The following COL4A2 variants were observed in gnomAD, a reference collection of about 807,000 sequenced individuals.
COL4A2 encodes collagen type IV alpha 2 chain, also known as collagen alpha-2(IV) chain.
In COL4A2, 99 loss-of-function variants were observed where a neutral mutation model predicts 200.2. That is an observed-to-expected ratio of 0.49 (90% confidence interval 0.42 to 0.58). The LOEUF is 0.58. COL4A2 is among the 20% of genes least tolerant of loss of function. The pLI is 0.00. For missense variants in COL4A2, 1,950 were observed against 2,314.1 expected, an observed-to-expected ratio of 0.84 and a Z score of 3.23; for synonymous variants, 897 against 900.6, an observed-to-expected ratio of 1.00 and a Z score of 0.07.
In COL4A2 at chr13:110,472,080, A is replaced by C. The variant is rs555324535; in HGVS notation, c.2204-849A>C. On this transcript the variant is annotated intron_variant, in intron 28 of 47. Transcript: ENST00000360467. The stretch of plus-strand genomic sequence containing the variant: ...GACACAGGACAGCTGCCTTCCCTCC[A>C]TCCGCAGATGGGACTTGATGATTTT... 4.6e-5 allele frequency among the ~76,000 whole-genome samples: 7 copies of C among 151,458 alleles called. No individual in the cohort carries two copies. The East Asian group carries it at 1.2e-3, about 25-fold the overall frequency.
chr13:110,315,161 G>A (rs1885099142), intron 3 of COL4A2, among the ~76,000 whole-genome samples: 2 of 152,178 alleles, frequency 1.3e-5, no homozygotes, highest in African/African-American at 4.8e-5. Flanking sequence ...TAGCCCCGGG[G>A]GGATAAGGAT....
At chr13:110,462,524 ATTTC>A in intron 24 of COL4A2, 140 bp downstream of exon 24, 5 of 724,694 alleles carry the variant, frequency 6.9e-6, no homozygotes, top group Non-Finnish European at 8.9e-6. Context: ...TGCTCATTCT[ATTTC>A]TAATGAGCAG....
In COL4A2 at chr13:110,474,127, A is replaced by AAAAAG. The variant is rs10535281; in HGVS notation, c.2425+997_2425+1001dup. 4.1e-4 allele frequency among the ~76,000 whole-genome samples: 62 copies of AAAAAG among 151,220 alleles called. No homozygotes were observed. In the East Asian group the frequency reaches 6.7e-3, roughly 16 times the overall value. Reference sequence around the variant, plus strand: ...GCGTGACAGAGTGAGACTCTGTCTCAAAAAGAAAAGAAAAGAAAAGAAAAT... The same window carrying AAAAAG: ...GCGTGACAGAGTGAGACTCTGTCTCAAAAAGAAAAGAAAAGAAAAGAAAAGAAAAT... On this transcript the variant is annotated intron_variant, in intron 29 of 47. Transcript: ENST00000360467.
chr13:110,432,461 ATTG>A, intron 11 of COL4A2, 101 bp downstream of exon 11: 1 of 1,370,702 alleles, frequency 7.3e-7, no homozygotes, highest in East Asian at 2.6e-5. Flanking sequence ...GCAACTATTT[ATTG>A]TTTATATTAT....
chr13:110,334,517 C>T (rs376062401), intron 3 of COL4A2, among the ~76,000 whole-genome samples: 5 of 152,202 alleles, frequency 3.3e-5, no homozygotes, highest in East Asian at 1.9e-4. Context: ...CACTTGGAAG[C>T]GGCTTCCCTT....
At chr13:110,475,816 A>G (rs1414504054) in intron 29 of COL4A2, among the ~76,000 whole-genome samples, 2 of 152,228 alleles carry the variant, frequency 1.3e-5, no homozygotes, top group Non-Finnish European at 2.9e-5. Flanking sequence ...GACGTCCACA[A>G]ATGAGATGTG....
At chr13:110,506,975 C>G (rs1338117906) in intron 46 of COL4A2, among the ~76,000 whole-genome samples, 1 of 152,182 alleles carries the variant, frequency 6.6e-6, no homozygotes, top group Non-Finnish European at 1.5e-5. Context: ...CCATGAGGGG[C>G]TGGGGTTCAT....
At chr13:110,324,470 A>AG (rs1203132002) in intron 3 of COL4A2, among the ~76,000 whole-genome samples, 1 of 152,128 alleles carries the variant, frequency 6.6e-6, no homozygotes, top group Non-Finnish European at 1.5e-5. Context: ...TCCACAGGGG[A>AG]GGGGAGGTCT....
chr13:110,506,639 C>A, intron 46 of COL4A2, 33 bp downstream of exon 46: 4 of 1,566,960 alleles, frequency 2.6e-6, no homozygotes, highest in Non-Finnish European at 3.5e-6. Flanking sequence ...CCGTTGCCTG[C>A]TCAGGGCTGG....
intron 10 of COL4A2, chr13:110,430,977 C>T: frequency 2.2e-6 from 1 of 446,246 alleles, no homozygotes. Flanking sequence ...TCTGCCTGTG[C>T]CACACCCATG....
At chr13:110,438,188 T>G (rs1880972099) in intron 14 of COL4A2, 151 bp downstream of exon 14, 1 of 647,666 alleles carries the variant, frequency 1.5e-6, no homozygotes, top group African/African-American at 1.8e-5. Flanking sequence ...AGCATGCATT[T>G]TTACACTGTA....
intron 3 of COL4A2, among the ~76,000 whole-genome samples, chr13:110,348,099 A>G (rs1427488699): frequency 3.9e-5 from 6 of 152,330 alleles, no homozygotes; most frequent in African/African-American, 1.4e-4. Context: ...CCTGTTCCAA[A>G]TACACAGCCT....
At chr13:110,469,524 A>G (rs1882383118) in intron 28 of COL4A2, among the ~76,000 whole-genome samples, 200 bp downstream of exon 28, 4 of 152,208 alleles carry the variant, frequency 2.6e-5, no homozygotes, top group Admixed American at 2.6e-4. Context: ...TGCAGAAGCT[A>G]TCTACAGATC....
At chr13:110,340,240 C>T (rs1277842891) in intron 3 of COL4A2, among the ~76,000 whole-genome samples, 1 of 152,160 alleles carries the variant, frequency 6.6e-6, no homozygotes, top group African/African-American at 2.4e-5. Context: ...CCTCAGCCTC[C>T]CTGGTAGCTG....
Position 110,503,934 on chromosome 13 carries a change from G to A in COL4A2, c.4226G>A (p.Arg1409Lys), listed in dbSNP as rs1883747294. The A allele has an allele frequency of 6.3e-7, 1 of 1,591,380 alleles. No individual in the cohort carries two copies. The highest frequency in any genetic ancestry group is 8.6e-7 in the Non-Finnish European group (1 of 1,166,220). The change falls in exon 44 of 48, where the codon AGG becomes AAG. Residue 1409 changes from arginine (R) to lysine (K), a missense_variant. Physicochemically the swap from Arg to Lys is conservative, Grantham distance 26. This residue lies in a region of COL4A2 where 1,385 missense variants were observed against 1,720.5 expected (regional missense o/e 0.80). Coordinates refer to ENST00000360467, the MANE Select transcript of COL4A2 (RefSeq NM_001846.4). ...CCAGGGACAGTGGGTCCCCAGGGGA[G>A]GCGAGGCCCCCCTGGGGCACCGGGG... Reference protein sequence around the residue: ...VQPGTVGPQGRRGPPGAPGEM... With the variant: ...VQPGTVGPQGKRGPPGAPGEM...
intron 22 of COL4A2, among the ~76,000 whole-genome samples, chr13:110,460,010 G>T (rs1240588013): frequency 6.6e-6 from 1 of 152,202 alleles, no homozygotes; most frequent in Non-Finnish European, 1.5e-5. Flanking sequence ...TGACCAAAGA[G>T]TTCAAAGTGA....
intron 6 of COL4A2, among the ~76,000 whole-genome samples, chr13:110,425,290 A>T (rs1436844771): frequency 6.6e-6 from 1 of 152,208 alleles, no homozygotes; most frequent in African/African-American, 2.4e-5. Flanking sequence ...CTAAAGAGCC[A>T]GTCTTGTGAT....
intron 16 of COL4A2, among the ~76,000 whole-genome samples, chr13:110,440,966 G>A (rs372410304): frequency 1.2e-4 from 19 of 152,310 alleles, no homozygotes; most frequent in African/African-American, 3.6e-4. Context: ...CATCTGCCTC[G>A]TTCTTTAAAG....
chr13:110,441,287 G>A (rs1285941288), intron 16 of COL4A2, among the ~76,000 whole-genome samples: 3 of 152,216 alleles, frequency 2.0e-5, no homozygotes, highest in African/African-American at 7.2e-5. Flanking sequence ...GTTCCGCCAT[G>A]CTTGTTCCAG....
Sources: allele counts gnomAD v4.1 joint callset (sites outside exome capture counted in the v4.1 genomes callset), GRCh38; gene constraint gnomAD v4.1.1; regional missense constraint gnomAD v4.1.1; transcripts MANE v1.5; gene names NCBI Gene and HGNC (gene_info 2026-07-23, HGNC 2026-07-21).